Variants in PGBD5 observed in about 807,000 individuals in gnomAD.
The protein encoded by PGBD5 is piggyBac transposable element derived 5, also known as piggyBac transposable element-derived protein 5.
A neutral mutation model predicts 47.9 loss-of-function variants in PGBD5; 14 were observed. The observed-to-expected ratio is 0.29, with a 90% CI of 0.19 to 0.46. The LOEUF is 0.46. PGBD5 is among the 20% of genes least tolerant of loss of function. The probability of loss-of-function intolerance (pLI) is 1.00; values close to 1 mark genes in which losing one functional copy is unlikely to be tolerated. For synonymous variants in PGBD5, 316 were observed against 306.3 expected, an observed-to-expected ratio of 1.03 and a Z score of -0.33; for missense variants, 635 against 716.0, an observed-to-expected ratio of 0.89 and a Z score of 1.29.
At position 230,332,907 on chromosome 1, in the gene PGBD5, T is replaced by C; in HGVS notation, c.1210A>G (p.Ile404Val). 1 of 1,614,182 alleles carries C rather than the reference T, an allele frequency of 6.2e-7. No homozygotes were observed. The highest frequency in any genetic ancestry group is 8.5e-7 in the Non-Finnish European group (1 of 1,180,016). Reference protein sequence around the residue: ...QIKMKGNMSLICWYNKGHFRF... With the variant: ...QIKMKGNMSLVCWYNKGHFRF... ...AAGTGTCCTTTGTTGTACCAGCAGA[T>C]CAAGGACATGTTCCCCTTCATCTTG... Residue 404 changes from isoleucine (I) to valine (V), a missense_variant, in exon 5 of 7, where the codon ATC becomes GTC. By Grantham distance (29) the Ile-to-Val change is conservative (BLOSUM62 3). Coordinates refer to ENST00000391860, the MANE Select transcript of PGBD5 (RefSeq NM_001258311.2).
chr1:230,378,931 C>T (rs2102724273), intron 1 of PGBD5, among the ~76,000 whole-genome samples: 1 of 152,220 alleles, frequency 6.6e-6, no homozygotes, highest in South Asian at 2.1e-4. Flanking sequence ...GATGTATGTA[C>T]AAGGTGAAAG....
At chr1:230,347,476 C>CTTTTTTTTTTT (rs71733326) in intron 3 of PGBD5, among the ~76,000 whole-genome samples, 28 of 113,396 alleles carry the variant, frequency 2.5e-4, no homozygotes, top group Non-Finnish European at 3.6e-4. Context: ...ATTTTCTTTT[C>CTTTTTTTTTTT]TTTTTTTTTT....
intron 1 of PGBD5, among the ~76,000 whole-genome samples, chr1:230,372,772 G>A (rs748206670): frequency 6.6e-6 from 1 of 152,208 alleles, no homozygotes; most frequent in Non-Finnish European, 1.5e-5. Flanking sequence ...AAGATGATCA[G>A]AATAAATGAT....
rs753838320 is a variant in PGBD5, at chr1:230,320,418, G to A, written c.*3007C>T. 1.3e-5 allele frequency: 2 copies of A among 152,188 alleles called. No individual in the cohort carries two copies. Among genetic ancestry groups the A allele is most frequent in the Non-Finnish European group, 2.9e-5 (2 of 68,042 alleles). The allele number at this position is 152,188 out of a possible 1,614,324, so 9.4% of individuals were successfully genotyped here. Reference sequence around the variant, plus strand: ...TCTTTGGAGAAGCTTGGAAGTTTTTGTGGGTGTTTTGTTTTGCATAAGGCT... The same window carrying A: ...TCTTTGGAGAAGCTTGGAAGTTTTTATGGGTGTTTTGTTTTGCATAAGGCT... On this transcript the variant is annotated 3_prime_UTR_variant, in exon 7 of 7. Transcript: ENST00000391860.
rs138976657 is a variant in PGBD5, at chr1:230,339,720, G to A, written c.895-2432C>T. ...CCATCTGCAACAACATGGACCTGGA[G>A]GACATTAAGCGAAGTGAAATAAGCC... On this transcript the variant is annotated intron_variant, in intron 3 of 6. Coordinates refer to ENST00000391860, the MANE Select transcript of PGBD5 (RefSeq NM_001258311.2). Among the ~76,000 whole-genome samples, 338 of 152,318 alleles carry A rather than the reference G, an allele frequency of 2.2e-3. 2 individuals are homozygous for A. The highest frequency in any genetic ancestry group is 5.8e-3 in the South Asian group (28 of 4,824).
chr1:230,387,691 C>T (rs1656678130), intron 1 of PGBD5, among the ~76,000 whole-genome samples: 1 of 152,186 alleles, frequency 6.6e-6, no homozygotes, highest in Non-Finnish European at 1.5e-5. Context: ...AGGAGGTCCA[C>T]AGCCCCCAGG....
Position 230,425,622 on chromosome 1 carries a change from G to T in PGBD5, c.307C>A (p.Pro103Thr), listed in dbSNP as rs949803507. The T allele has an allele frequency of 9.0e-6, 11 of 1,219,756 alleles. No individual in the cohort carries two copies. Among genetic ancestry groups the T allele is most frequent in the Non-Finnish European group, 1.0e-5 (10 of 980,398 alleles). 75.6% of individuals were successfully genotyped at this position (1,219,756 alleles called of 1,614,324 possible). Residue 103 changes from proline (P) to threonine (T), a missense_variant, in exon 1 of 7, where the codon CCC becomes ACC. Pro to Thr is a conservative substitution (Grantham distance 38, BLOSUM62 -1). Transcript: ENST00000391860. This position sits in a 1 kb window ranked among gnomAD's most constrained non-coding sequence, Gnocchi z 4.7. ...CCGCCGGTATCCTCGAAGCGCGGGG[G>T]CGGGCGGTCCCGCAGCGCTGCGCTC... is the stretch of plus-strand genomic sequence containing the variant. ...GWSAALRDRP[P>T]PRFEDTGGPT...
intron 3 of PGBD5, among the ~76,000 whole-genome samples, chr1:230,341,830 A>G (rs1667411279): frequency 6.6e-6 from 1 of 152,178 alleles, no homozygotes; most frequent in Non-Finnish European, 1.5e-5. Flanking sequence ...GAGCAGGAAA[A>G]TGTACCATTT....
chr1:230,355,951 G>A (rs1009207727), intron 2 of PGBD5, among the ~76,000 whole-genome samples: 1 of 152,206 alleles, frequency 6.6e-6, no homozygotes, highest in African/African-American at 2.4e-5. Context: ...TGTGTGAGGG[G>A]AAGGCACGCT....
At chr1:230,380,223 T>A (rs1668074952) in intron 1 of PGBD5, among the ~76,000 whole-genome samples, 1 of 152,224 alleles carries the variant, frequency 6.6e-6, no homozygotes, top group Admixed American at 6.5e-5. Flanking sequence ...ACTTCCCTTG[T>A]AATCACAGGA....
chr1:230,337,556 T>A (rs1333377335), intron 3 of PGBD5, among the ~76,000 whole-genome samples: 1 of 152,174 alleles, frequency 6.6e-6, no homozygotes, highest in African/African-American at 2.4e-5. Context: ...GGTAATGGGA[T>A]GGTGCAAATA....
rs536719177 is a variant in PGBD5 at position 230,322,069 on chromosome 1, G to C, written c.*1356C>G. ...GGTGGTTACATCAACTGGGTTGAAG[G>C]GGGACTGGGTAATCCCAGAAATTCC... On this transcript the variant is annotated 3_prime_UTR_variant, in exon 7 of 7. Coordinates refer to ENST00000391860, the MANE Select transcript of PGBD5 (RefSeq NM_001258311.2). This position sits in a 1 kb window ranked among gnomAD's most constrained non-coding sequence, Gnocchi z 5.9. The C allele has an allele frequency of 6.6e-6, 1 of 152,262 alleles. No homozygotes were observed. Among genetic ancestry groups the C allele is most frequent in the Non-Finnish European group, 1.5e-5 (1 of 68,066 alleles). The allele number at this position is 152,262 out of a possible 1,614,324, so 9.4% of individuals were successfully genotyped here. A position where few individuals can be genotyped will look rare whatever the true frequency, so the allele number is the denominator to read the frequency against.
intron 4 of PGBD5, among the ~76,000 whole-genome samples, chr1:230,333,620 C>T (rs1026175905): frequency 1.3e-5 from 2 of 152,210 alleles, no homozygotes; most frequent in Non-Finnish European, 1.5e-5. Flanking sequence ...AGCCAGTCCA[C>T]ACTGCACCCC....
intron 4 of PGBD5, among the ~76,000 whole-genome samples, chr1:230,336,798 G>A (rs1267772712): frequency 4.0e-5 from 6 of 150,594 alleles, no homozygotes; most frequent in South Asian, 4.3e-4. Context: ...TCCAGGGGAC[G>A]CAGGCTTTTC....
chr1:230,414,547 C>T (rs1461346309), intron 1 of PGBD5, among the ~76,000 whole-genome samples: 1 of 152,154 alleles, frequency 6.6e-6, no homozygotes, highest in African/African-American at 2.4e-5. Context: ...TTACCTCTTT[C>T]GATCTTAAAG....
chr1:230,332,360 G>C (rs1667233975), intron 5 of PGBD5, among the ~76,000 whole-genome samples: 1 of 152,218 alleles, frequency 6.6e-6, no homozygotes, highest in Non-Finnish European at 1.5e-5. Context: ...TGCTAAGTAA[G>C]TCCCTTTGTT....
chr1:230,378,148 G>A (rs1453448578), intron 1 of PGBD5, among the ~76,000 whole-genome samples: 1 of 152,222 alleles, frequency 6.6e-6, no homozygotes, highest in Admixed American at 6.5e-5. Flanking sequence ...GTTCCTCCTG[G>A]TGGTGATGAG....
intron 3 of PGBD5, among the ~76,000 whole-genome samples, chr1:230,347,455 C>A (rs1337073077): frequency 6.7e-6 from 1 of 150,002 alleles, no homozygotes; most frequent in East Asian, 2.0e-4. Context: ...CGGGGCACAG[C>A]AATCATTTTC....
rs1222686549 is a variant in PGBD5 at position 230,316,605 on chromosome 1, T to G, written c.*6820A>C. On this transcript the variant is annotated 3_prime_UTR_variant, in exon 7 of 7. Coordinates refer to ENST00000391860, the MANE Select transcript of PGBD5 (RefSeq NM_001258311.2). ...AAAATCCTCATCTGCCCAATTATTGTTTTTTTTTCCTACCACGACTCTTGC... is the reference window on the plus strand; with the variant it reads ...AAAATCCTCATCTGCCCAATTATTGGTTTTTTTTCCTACCACGACTCTTGC... The G allele has an allele frequency of 6.6e-6, 1 of 151,014 alleles. No homozygotes were observed. The highest frequency in any genetic ancestry group is 6.6e-5 in the Admixed American group (1 of 15,122). 9.4% of individuals were successfully genotyped at this position (151,014 alleles called of 1,614,324 possible). A position where few individuals can be genotyped will look rare whatever the true frequency, so the allele number is the denominator to read the frequency against.
Sources: gnomAD v4.1 joint callset for allele counts (sites outside exome capture counted in the v4.1 genomes callset) on GRCh38, gnomAD v4.1.1 for gene constraint, Gnocchi (gnomAD v3.1) non-coding constraint, MANE v1.5 for transcripts, NCBI Gene and HGNC (gene_info 2026-07-23, HGNC 2026-07-21) for gene names.